ERICH1: variants seen among roughly 807,000 people sequenced by gnomAD.
ERICH1 encodes the protein glutamate rich 1, also known as glutamate-rich protein 1.
A neutral mutation model predicts 39.6 loss-of-function variants in ERICH1; 56 were observed. The ratio of observed to expected loss-of-function variants is 1.41; its 90% CI spans 1.14 to 1.77. The LOEUF is 1.77. Ranked by LOEUF, ERICH1 falls within the 40% of genes most tolerant of loss-of-function variation. The pLI is 0.00. For synonymous variants in ERICH1, 313 were observed against 223.6 expected, an observed-to-expected ratio of 1.40 and a Z score of -3.57; for missense variants, 826 against 575.4, an observed-to-expected ratio of 1.44 and a Z score of -4.45.
intron 3 of ERICH1, chr8:686,759 ACACT>A (rs1482923799): frequency 2.2e-5 from 3 of 138,972 alleles, no homozygotes; most frequent in Non-Finnish European, 1.6e-5. Context: ...CTCTCGCAGG[ACACT>A]CAGAGAGAGA....
chr8:669,576 C>T (rs1036632757), intron 4 of ERICH1, among the ~76,000 whole-genome samples: 1 of 150,200 alleles, frequency 6.7e-6, no homozygotes, highest in Admixed American at 6.6e-5. Flanking sequence ...CCCGTCTACA[C>T]GTCTGTCTGG....
At chr8:716,450 G>A (rs1466362218) in intron 1 of ERICH1, among the ~76,000 whole-genome samples, 1 of 152,242 alleles carries the variant, frequency 6.6e-6, no homozygotes, top group Non-Finnish European at 1.5e-5. Context: ...GGTCTGGCGG[G>A]CCCTGAGGCA....
intron 3 of ERICH1, among the ~76,000 whole-genome samples, chr8:641,890 C>T (rs1219446993): frequency 6.6e-6 from 1 of 152,254 alleles, no homozygotes; most frequent in Non-Finnish European, 1.5e-5. Flanking sequence ...GTCCTTTCTT[C>T]TGACCCCATC....
At chr8:718,155 C>T (rs1050353571) in intron 1 of ERICH1, among the ~76,000 whole-genome samples, 14 of 151,016 alleles carry the variant, frequency 9.3e-5, no homozygotes, top group Non-Finnish European at 7.4e-5. Flanking sequence ...TCGGAGCGCA[C>T]GGAGAAACCG....
At chr8:624,943 G>T (rs1194981450) in intron 3 of ERICH1, among the ~76,000 whole-genome samples, 1 of 152,064 alleles carries the variant, frequency 6.6e-6, no homozygotes, top group Admixed American at 6.5e-5. Flanking sequence ...AGCCAGGATG[G>T]TCTTGATCTC....
Position 645,515 on chromosome 8 carries a change from TCATC to T in ERICH1, c.976+23079_976+23082del, listed in dbSNP as rs1443622408. On this transcript the variant is annotated intron_variant, in intron 3 of 3. Coordinates refer to the ERICH1 transcript ENST00000522706. The stretch of plus-strand genomic sequence containing the variant: ...TTTTCCTTACTGTCCCCCCCAAACC[TCATC>T]TTTCTTCTGAAGGAATTCTACAACA... Among the ~76,000 whole-genome samples the T allele has an allele frequency of 2.8e-4, 7 of 25,018 alleles. 3 individuals are homozygous for T. Among genetic ancestry groups the T allele is most frequent in the Non-Finnish European group, 6.1e-4 (7 of 11,500 alleles). The allele number at this position is 25,018 out of a possible 152,430, so 16.4% of individuals were successfully genotyped here.
At chr8:726,012 G>C (rs1818537678) in intron 1 of ERICH1, 1 of 152,584 alleles carries the variant, frequency 6.6e-6, no homozygotes, top group Non-Finnish European at 1.5e-5. Flanking sequence ...ATGTGTCAAT[G>C]AACACAGCCC....
chr8:673,662 C>T lies in ERICH1; in HGVS notation c.690G>A (p.Arg230=). Residue 230 remains arginine, a synonymous_variant, in exon 4 of 6, where the codon AGG becomes AGA. Transcript: ENST00000262109. The part of the protein sequence containing the change: ...LAGEEDVKDT[R]EEDGADASEE... ...CGCTAGCGTCCGCACCATCTTCCTC[C>T]CTGGTATCTTTAACGTCTTCCTCCC... 6.2e-7 allele frequency: 1 copy of T among 1,612,858 alleles called. No individual in the cohort carries two copies. Among genetic ancestry groups the T allele is most frequent in the Middle Eastern group, 1.7e-4 (1 of 6,060 alleles).
intron 1 of ERICH1, among the ~76,000 whole-genome samples, chr8:721,715 G>A (rs958698548): frequency 1.3e-5 from 2 of 152,148 alleles, no homozygotes; most frequent in Non-Finnish European, 2.9e-5. Flanking sequence ...GTCTTCCAAC[G>A]GGCCAGCTCT....
chr8:622,473 G>C (rs1188906326), intron 3 of ERICH1, among the ~76,000 whole-genome samples: 3 of 152,178 alleles, frequency 2.0e-5, no homozygotes, highest in African/African-American at 4.8e-5. Flanking sequence ...CTATGAAGCA[G>C]AGAACGAAGC....
chr8:645,914 G>A (rs1799461820), intron 3 of ERICH1, among the ~76,000 whole-genome samples: 1 of 69,472 alleles, frequency 1.4e-5, no homozygotes, highest in Admixed American at 1.2e-4. Flanking sequence ...GGATGATCAG[G>A]CATTTCTGCA....
intron 3 of ERICH1, among the ~76,000 whole-genome samples, chr8:682,499 C>T (rs753560155): frequency 6.6e-6 from 1 of 152,194 alleles, no homozygotes; most frequent in Non-Finnish European, 1.5e-5. Context: ...TTCAGAACCA[C>T]TCCAGAGACT....
intron 2 of ERICH1, among the ~76,000 whole-genome samples, chr8:695,814 C>T (rs1457994709): frequency 6.9e-6 from 1 of 145,232 alleles, no homozygotes; most frequent in African/African-American, 2.7e-5. Context: ...TGGCTCCTCT[C>T]ACCCTCCCTT....
At chr8:625,747 G>A (rs1175944523) in intron 3 of ERICH1, 1 of 152,244 alleles carries the variant, frequency 6.6e-6, no homozygotes, top group Non-Finnish European at 1.5e-5. Context: ...ACCGTGCACA[G>A]TTGTAGGCCT....
At chr8:634,181 A>AC (rs774483178) in intron 3 of ERICH1, among the ~76,000 whole-genome samples, 27,742 of 147,598 alleles carry the variant, frequency 0.19, 2,900 homozygotes, top group Middle Eastern at 0.27. Context: ...AAAAAAAAAA[A>AC]AAAAACAAAC....
downstream of ERICH1, among the ~76,000 whole-genome samples, chr8:661,200 G>GTT (rs772695379): frequency 0.016 from 2,430 of 152,256 alleles, 30 homozygotes; most frequent in Non-Finnish European, 0.023. Flanking sequence ...TCTCTGAAGA[G>GTT]CCCCGGGATG....
intron 4 of ERICH1, chr8:669,024 C>A (rs1802750038): frequency 1.1e-5 from 6 of 528,076 alleles, no homozygotes; most frequent in South Asian, 7.6e-5. Flanking sequence ...TGGTGAGACG[C>A]CTCCCCTGGC....
In ERICH1 at chr8:672,722, TG is replaced by T. The variant is rs1370682622; in HGVS notation, c.1063+566del. On this transcript the variant is annotated intron_variant, in intron 4 of 5. Transcript: ENST00000262109. ...AGTGCAGATGTAAGCAAGTGCCATC[TG>T]TGACATTAAACCTATGTTTATTTTC... Among the ~76,000 whole-genome samples the T allele has an allele frequency of 1.0e-4, 16 of 152,382 alleles. No homozygotes were observed. In the East Asian group the frequency reaches 3.1e-3, roughly 29 times the overall value.
In ERICH1 at chr8:636,432, G is replaced by C. The variant is rs148354171; in HGVS notation, c.977-21148C>G. ...TCCTCCCTCATAGAAAATACTCTTA[G>C]CTGTTCCCAAAGGAGACGGCCCAGA... is the stretch of plus-strand genomic sequence containing the variant. On this transcript the variant is annotated intron_variant, in intron 3 of 3. Transcript: ENST00000522706. 8.3e-4 allele frequency among the ~76,000 whole-genome samples: 126 copies of C among 152,352 alleles called. 1 individual carries two copies. Among genetic ancestry groups the C allele is most frequent in the African/African-American group, 2.2e-3 (93 of 41,588 alleles).
Sources: gnomAD v4.1 joint callset for allele counts (sites outside exome capture counted in the v4.1 genomes callset) on GRCh38, gnomAD v4.1.1 for gene constraint, MANE v1.5 for transcripts, NCBI Gene and HGNC (gene_info 2026-07-23, HGNC 2026-07-21) for gene names.